Variants in PIGT observed in about 807,000 individuals in gnomAD.
PIGT encodes GPI-anchor transamidase component PIGT.
A neutral mutation model predicts 66.7 loss-of-function variants in PIGT; 57 were observed. The ratio of observed to expected loss-of-function variants is 0.86; its 90% CI spans 0.69 to 1.07. The LOEUF is 1.07. PIGT is among the 50% of genes least tolerant of loss of function. The probability of loss-of-function intolerance (pLI) is 0.00; values close to 1 mark genes in which losing one functional copy is unlikely to be tolerated. For missense variants in PIGT, 725 were observed against 740.4 expected (o/e 0.98, Z 0.24); for synonymous variants, 362 against 320.5 (o/e 1.13, Z -1.38).
intron 11 of PIGT, 121 bp from the exon 12 acceptor site, chr20:45,425,453 T>G: frequency 8.9e-7 from 1 of 1,129,772 alleles, no homozygotes; most frequent in Non-Finnish European, 1.2e-6. Context: ...TGTTGAAAGG[T>G]TTTGAGCCTA....
At chr20:45,416,411 A>G in intron 1 of PIGT, 68 bp downstream of exon 1, 1 of 1,554,302 alleles carries the variant, frequency 6.4e-7, no homozygotes, top group Non-Finnish European at 8.7e-7. Context: ...CCGTGGGATG[A>G]AGGCAAACTT....
chr20:45,418,845 T>A lies in PIGT; in HGVS notation c.366-7T>A, dbSNP rs1157441158. The stretch of plus-strand genomic sequence containing the variant: ...AGGACAGTGAGTGGATTTGTGTCTC[T>A]ATCCAGTGTGGATAAATCTTGGAAG... On this transcript the variant is annotated splice_polypyrimidine_tract_variant and splice_region_variant and intron_variant, in intron 2 of 11. Transcript: ENST00000279036. The A allele has an allele frequency of 1.2e-6, 2 of 1,613,800 alleles. No homozygotes were observed. The highest frequency in any genetic ancestry group is 4.5e-5 in the East Asian group (2 of 44,868).
rs921797858 is a variant in PIGT, at chr20:45,421,644, C to G, written c.1234+61C>G. 1.7e-5 allele frequency: 23 copies of G among 1,373,848 alleles called. No individual in the cohort carries two copies. In the South Asian group the frequency reaches 2.8e-4, roughly 16 times the overall value. 85.1% of individuals were successfully genotyped at this position (1,373,848 alleles called of 1,614,324 possible). A position where few individuals can be genotyped will look rare whatever the true frequency, so the allele number is the denominator to read the frequency against. On this transcript the variant is annotated intron_variant, in intron 9 of 11. Transcript: ENST00000279036. ...GCCCTCTCATGTCCTCTCCAGGTCC[C>G]CCAAACTCTCATTTCCCAGGGTAGT...
At chr20:45,423,917 T>A (rs1467520808) in intron 9 of PIGT, 8 of 380,246 alleles carry the variant, frequency 2.1e-5, no homozygotes, top group Admixed American at 3.8e-5. Flanking sequence ...TCTGTGAACT[T>A]CTTCTTGCGT....
In PIGT at chr20:45,416,257, T is replaced by C; in HGVS notation, c.101T>C (p.Leu34Pro). 6.3e-7 allele frequency: 1 copy of C among 1,596,176 alleles called. No individual in the cohort carries two copies. Among genetic ancestry groups the C allele is most frequent in the Non-Finnish European group, 8.5e-7 (1 of 1,171,758 alleles). The stretch of plus-strand genomic sequence containing the variant: ...CCACGCGACAGCCTGCGGGAGGAAC[T>C]TGTCATCACCCCGCTGCCTTCCGGG... ...EPPRDSLREE[L>P]VITPLPSGDV... Residue 34 changes from leucine (L) to proline (P), a missense_variant, in exon 1 of 12, where the codon CTT (leucine) becomes CCT (proline). Leu to Pro is a moderately conservative substitution (Grantham distance 98). Coordinates refer to ENST00000279036, the MANE Select transcript of PIGT (RefSeq NM_015937.6).
At chr20:45,421,642 C>G (rs369178179) in intron 9 of PIGT, 59 bp downstream of exon 9, 25 of 1,384,590 alleles carry the variant, frequency 1.8e-5, no homozygotes, top group South Asian at 4.8e-5. Flanking sequence ...CTCTCCAGGT[C>G]CCCCAAACTC....
At chr20:45,417,967 G>C (rs1322999611) in intron 2 of PIGT, 2 of 152,248 alleles carry the variant, frequency 1.3e-5, no homozygotes, top group African/African-American at 4.8e-5. Context: ...CTACTCTGCT[G>C]TCACTGTCTT....
rs763776836 is a variant in PIGT at position 45,425,801 on chromosome 20, G to A, written c.1712G>A (p.Arg571His). The change falls in exon 12 of 12, where the codon CGC becomes CAC. Residue 571 changes from arginine to histidine, a missense_variant. By Grantham distance (29) the Arg-to-His change is conservative (BLOSUM62 0). This residue lies in a region of PIGT where 162 missense variants were observed against 171.1 expected (regional missense o/e 0.95). Coordinates refer to ENST00000279036, the MANE Select transcript of PIGT (RefSeq NM_015937.6). ...LAKRLANLIR[R>H]ARGVPPL ...AAGCGGCTGGCCAACCTTATCCGGC[G>A]CGCCCGAGGTGTCCCCCCACTCTGA... 38 of 1,613,778 alleles carry A rather than the reference G, an allele frequency of 2.4e-5. No homozygotes were observed. Among genetic ancestry groups the A allele is most frequent in the Admixed American group, 1.0e-4 (6 of 60,014 alleles).
intron 8 of PIGT, 72 bp downstream of exon 8, chr20:45,420,765 G>C (rs1229755531): frequency 2.1e-6 from 3 of 1,459,352 alleles, no homozygotes; most frequent in Non-Finnish European, 2.9e-6. Flanking sequence ...CCACGTCTTT[G>C]CCGTTAGATG....
chr20:45,419,883 G>C (rs963529262), intron 5 of PIGT: 7 of 600,072 alleles, frequency 1.2e-5, no homozygotes, highest in Admixed American at 3.0e-5. Flanking sequence ...CCCTGAGCTT[G>C]GTTTCCCACC....
chr20:45,417,617 C>G (rs1390871415), intron 2 of PIGT: 11 of 152,218 alleles, frequency 7.2e-5, no homozygotes. Flanking sequence ...CAAGAGCCAC[C>G]ACACCTGGCC....
In PIGT at chr20:45,421,893, A is replaced by G. The variant is rs1990390631; in HGVS notation, c.1234+310A>G. Reference sequence around the variant, plus strand: ...GGAGCATTGGGTTTTGTGATGATTCATAGACTCTTTAAGGTAGGGAAAGGG... The same window carrying G: ...GGAGCATTGGGTTTTGTGATGATTCGTAGACTCTTTAAGGTAGGGAAAGGG... On this transcript the variant is annotated intron_variant, in intron 9 of 11. Transcript: ENST00000279036. The G allele has an allele frequency of 1.4e-5, 4 of 292,542 alleles. 1 individual carries two copies. The South Asian group carries it at 1.8e-4, about 13-fold the overall frequency. The allele number at this position is 292,542 out of a possible 1,614,324, so 18.1% of individuals were successfully genotyped here. A position where few individuals can be genotyped will look rare whatever the true frequency, so the allele number is the denominator to read the frequency against.
chr20:45,418,763 C>A, intron 2 of PIGT, 89 bp from the exon 3 acceptor site: 1 of 1,513,904 alleles, frequency 6.6e-7, no homozygotes, highest in Non-Finnish European at 9.2e-7. Context: ...CAGCCTCCTC[C>A]TATCATAGGT....
At chr20:45,423,999 C>T in intron 9 of PIGT, 1 of 579,916 alleles carries the variant, frequency 1.7e-6, no homozygotes. Context: ...TGCAGCACTC[C>T]TAACAACCTC....
At position 45,420,171 on chromosome 20, in the gene PIGT, G is replaced by A. The variant is rs1990263877; in HGVS notation, c.717G>A (p.Arg239=). 4.3e-6 allele frequency: 7 copies of A among 1,612,764 alleles called. No individual in the cohort carries two copies. The highest frequency in any genetic ancestry group is 4.2e-6 in the Non-Finnish European group (5 of 1,179,460). ...GTACTAGCATCTCCTGGGAGCTGAG[G>A]CAGACCCTGTCAGTTGTATTTGATG... The part of the protein sequence containing the change: ...ARCTSISWEL[R]QTLSVVFDAF... The change falls in exon 6 of 12, where the codon AGG becomes AGA. Residue 239 remains arginine, a synonymous_variant. Coordinates refer to ENST00000279036, the MANE Select transcript of PIGT (RefSeq NM_015937.6).
intron 9 of PIGT, chr20:45,423,380 CTG>C (rs1269981814): frequency 6.6e-6 from 1 of 151,572 alleles, no homozygotes; most frequent in Non-Finnish European, 1.5e-5. Context: ...TGTTGCACGC[CTG>C]TAGTCCCAGC....
At chr20:45,416,435 T>A in intron 1 of PIGT, 82 bp from the exon 2 acceptor site, 1 of 1,564,202 alleles carries the variant, frequency 6.4e-7, no homozygotes, top group Admixed American at 1.8e-5. Context: ...GGGCGGGGCC[T>A]AATTCCTGGG....
In PIGT at chr20:45,416,512, C is replaced by T. The variant is rs574988082; in HGVS notation, c.188-5C>T. ...ATCGTCACTCACCTGCTCCCGTTTC[C>T]CCAGTGTCCCATTACAGGCTCTTTC... On this transcript the variant is annotated splice_region_variant and splice_polypyrimidine_tract_variant and intron_variant, in intron 1 of 11. Coordinates refer to ENST00000279036, the MANE Select transcript of PIGT (RefSeq NM_015937.6). 2 of 1,613,468 alleles carry T rather than the reference C, an allele frequency of 1.2e-6. No individual in the cohort carries two copies. Among genetic ancestry groups the T allele is most frequent in the East Asian group, 2.2e-5 (1 of 44,866 alleles).
intron 9 of PIGT, chr20:45,422,382 T>G (rs1169654191): frequency 6.6e-6 from 1 of 152,142 alleles, no homozygotes; most frequent in Non-Finnish European, 1.5e-5. Context: ...TCTTCTCCTT[T>G]GGAAAATTTC....
Sources: gnomAD v4.1 joint callset for allele counts on GRCh38, gnomAD v4.1.1 for gene constraint, gnomAD v4.1.1 regional missense constraint, MANE v1.5 for transcripts, NCBI Gene and HGNC (gene_info 2026-07-23, HGNC 2026-07-21) for gene names.